PLAC8: variants seen among roughly 807,000 people sequenced by gnomAD.
The protein encoded by PLAC8 is placenta-specific gene 8 protein.
Under a neutral mutation model 12.6 loss-of-function variants are expected in PLAC8, and 6 were observed. The ratio of observed to expected loss-of-function variants is 0.48; its 90% CI spans 0.26 to 0.94. The LOEUF is 0.94. Ranked by LOEUF, PLAC8 falls within the 40% of genes least tolerant of loss-of-function variation. The pLI is 0.14. For synonymous variants in PLAC8, 54 were observed against 52.6 expected (o/e 1.03, Z -0.11); for missense variants, 122 against 152.7 (o/e 0.80, Z 1.06).
Position 83,104,966 on chromosome 4 carries a change from A to G in PLAC8, c.173T>C (p.Met58Thr). ...PCLGCQVAAD[M>T]NECCLCGTSV... ...TGTTCCACACAGACAGCATTCATTC[A>G]TATCAGCTGCAACTTGACACCCAAG... The change falls in exon 3 of 5, where the codon ATG becomes ACG. Residue 58 changes from methionine (M) to threonine (T), a missense_variant. Physicochemically the swap from Met to Thr is moderately conservative, Grantham distance 81 (BLOSUM62 -1). Transcript: ENST00000311507. 6.2e-7 allele frequency: 1 copy of G among 1,614,174 alleles called. No homozygotes were observed. Among genetic ancestry groups the G allele is most frequent in the Non-Finnish European group, 8.5e-7 (1 of 1,180,010 alleles).
chr4:83,113,380 A>C (rs1387592609), intron 1 of PLAC8, among the ~76,000 whole-genome samples: 1 of 152,188 alleles, frequency 6.6e-6, no homozygotes, highest in Admixed American at 6.5e-5. Flanking sequence ...TATCCTGGGC[A>C]CTTCACAAGA....
intron 1 of PLAC8, among the ~76,000 whole-genome samples, chr4:83,113,310 C>T (rs895933070): frequency 4.6e-5 from 7 of 152,158 alleles, no homozygotes; most frequent in East Asian, 3.8e-4. Context: ...TAGACCCTCT[C>T]GCATTCCCGG....
At chr4:83,104,819 C>T in intron 3 of PLAC8, 77 bp downstream of exon 3, 5 of 1,470,688 alleles carry the variant, frequency 3.4e-6, no homozygotes, top group Non-Finnish European at 4.8e-6. Flanking sequence ...ATGTATACAT[C>T]AAATGATCTC....
intron 1 of PLAC8, among the ~76,000 whole-genome samples, chr4:83,111,315 A>C (rs1349875011): frequency 6.6e-6 from 1 of 152,160 alleles, no homozygotes; most frequent in African/African-American, 2.4e-5. Context: ...TAAGCAAAAC[A>C]AGAAATATCC....
At chr4:83,091,837 T>G (rs1179734355) in intron 4 of PLAC8, among the ~76,000 whole-genome samples, 2 of 152,144 alleles carry the variant, frequency 1.3e-5, no homozygotes, top group Non-Finnish European at 1.5e-5. Flanking sequence ...ACATACATAC[T>G]TTTTTTCAAT....
chr4:83,105,108 G>A (rs1049231704), intron 2 of PLAC8, 88 bp from the exon 3 acceptor site: 4 of 1,480,464 alleles, frequency 2.7e-6, no homozygotes, highest in African/African-American at 1.4e-5. Flanking sequence ...ATGGCAGTCC[G>A]AGTCATGGGG....
At chr4:83,103,728 A>G (rs570871405) in intron 3 of PLAC8, among the ~76,000 whole-genome samples, 1 of 152,080 alleles carries the variant, frequency 6.6e-6, no homozygotes, top group Admixed American at 6.5e-5. Context: ...TGGAGTGCTG[A>G]GGCGCAATCT....
intron 1 of PLAC8, among the ~76,000 whole-genome samples, chr4:83,113,149 CCCG>C (rs1732461051): frequency 6.6e-6 from 1 of 152,198 alleles, no homozygotes; most frequent in South Asian, 2.1e-4. Context: ...GTAACGTGCA[CCCG>C]CAGGGCTGCT....
rs761932007 is a variant in PLAC8 at position 83,107,947 on chromosome 4, T to C, written c.-26A>G. 8 of 1,131,196 alleles carry C rather than the reference T, an allele frequency of 7.1e-6. No individual in the cohort carries two copies. The highest frequency in any genetic ancestry group is 9.4e-6 in the Non-Finnish European group (8 of 851,172). 70.1% of individuals were successfully genotyped at this position (1,131,196 alleles called of 1,614,324 possible). A position where few individuals can be genotyped will look rare whatever the true frequency, so the allele number is the denominator to read the frequency against. On this transcript the variant is annotated 5_prime_UTR_variant, in exon 2 of 5. Transcript: ENST00000311507. The stretch of plus-strand genomic sequence containing the variant: ...TTTCAGTGCAGGGCCTTAAAAGCAG[T>C]GGACTGAAAAGGCAGAGTGGTGTTA...
intron 3 of PLAC8, among the ~76,000 whole-genome samples, chr4:83,095,302 T>C (rs1156527417): frequency 5.3e-5 from 8 of 152,180 alleles, no homozygotes; most frequent in Admixed American, 5.2e-4. Flanking sequence ...GATTTCATCA[T>C]GAAGATGAAA....
chr4:83,113,351 C>G (rs551604826), intron 1 of PLAC8, among the ~76,000 whole-genome samples: 3 of 152,344 alleles, frequency 2.0e-5, no homozygotes, highest in African/African-American at 7.2e-5. Flanking sequence ...CCTCTCCCTT[C>G]AGGTGCGGGC....
chr4:83,095,217 A>T (rs1055792582), intron 3 of PLAC8, among the ~76,000 whole-genome samples: 2 of 152,200 alleles, frequency 1.3e-5, no homozygotes, highest in African/African-American at 4.8e-5. Flanking sequence ...GGTCATGGTG[A>T]AGGCAGATCC....
At chr4:83,097,279 T>C (rs1731963006) in intron 3 of PLAC8, among the ~76,000 whole-genome samples, 1 of 152,046 alleles carries the variant, frequency 6.6e-6, no homozygotes, top group South Asian at 2.1e-4. Context: ...GATGTTTATA[T>C]ATAAAAGAGC....
At chr4:83,113,009 T>C (rs1732459097) in intron 1 of PLAC8, among the ~76,000 whole-genome samples, 1 of 152,210 alleles carries the variant, frequency 6.6e-6, no homozygotes, top group African/African-American at 2.4e-5. Flanking sequence ...AACGTGTAGA[T>C]TTCTAGACAC....
At chr4:83,106,191 G>C (rs1464247402) in intron 2 of PLAC8, among the ~76,000 whole-genome samples, 2 of 151,682 alleles carry the variant, frequency 1.3e-5, no homozygotes, top group Non-Finnish European at 2.9e-5. Flanking sequence ...AGTAGAGATG[G>C]GGTTTCACCA....
In PLAC8 at chr4:83,090,275, A is replaced by T. The variant is rs1231850081; in HGVS notation, c.*706T>A. The stretch of plus-strand genomic sequence containing the variant: ...CTGGACGCGGTGGCTCATGCCTGTA[A>T]TCCCAGCATTTTGTGATGCCGAGGC... On this transcript the variant is annotated 3_prime_UTR_variant, in exon 5 of 5. Transcript: ENST00000311507. 6.6e-6 allele frequency: 1 copy of T among 152,068 alleles called. No individual in the cohort carries two copies. Among genetic ancestry groups the T allele is most frequent in the Non-Finnish European group, 1.5e-5 (1 of 68,072 alleles). 9.4% of individuals were successfully genotyped at this position (152,068 alleles called of 1,614,324 possible).
At chr4:83,097,152 C>T (rs558898478) in intron 3 of PLAC8, among the ~76,000 whole-genome samples, 78 of 152,146 alleles carry the variant, frequency 5.1e-4, no homozygotes, top group African/African-American at 1.6e-3. Context: ...ACCCTGAAGC[C>T]GGTCATCCAA....
In PLAC8 at chr4:83,112,421, G is replaced by T. The variant is rs568537688; in HGVS notation, c.-30+2245C>A. 2.0e-5 allele frequency among the ~76,000 whole-genome samples: 3 copies of T among 152,098 alleles called. No homozygotes were observed. The East Asian group carries it at 5.8e-4, about 29-fold the overall frequency. ...AATGTGGGAGATTGCAGGGACCCAGGTGCTTCTGTGAATATTAGCACTAGG... is the reference window on the plus strand; with the variant it reads ...AATGTGGGAGATTGCAGGGACCCAGTTGCTTCTGTGAATATTAGCACTAGG... On this transcript the variant is annotated intron_variant, in intron 1 of 4. Transcript: ENST00000311507.
At chr4:83,105,325 T>G (rs950001863) in intron 2 of PLAC8, among the ~76,000 whole-genome samples, 1 of 152,214 alleles carries the variant, frequency 6.6e-6, no homozygotes, top group Non-Finnish European at 1.5e-5. Context: ...GTACTGACAG[T>G]GCCCCTGGCT....
Sources: allele counts gnomAD v4.1 joint callset (sites outside exome capture counted in the v4.1 genomes callset), GRCh38; gene constraint gnomAD v4.1.1; transcripts MANE v1.5; gene names NCBI Gene and HGNC (gene_info 2026-07-23, HGNC 2026-07-21).